IFITM3: variants seen among roughly 807,000 people sequenced by gnomAD.
IFITM3 encodes the protein interferon-induced transmembrane protein 3.
A neutral mutation model predicts 5.2 loss-of-function variants in IFITM3; 5 were observed. That is an observed-to-expected ratio of 0.96 (90% CI 0.50 to 2.03). IFITM3 has a LOEUF of 2.03. Ranked by LOEUF, IFITM3 falls within the 30% of genes most tolerant of loss-of-function variation. IFITM3 has a pLI of 0.01. For missense variants in IFITM3, 156 were observed against 177.3 expected (o/e 0.88, Z 0.68); for synonymous variants, 81 against 77.6 (o/e 1.04, Z -0.23).
In IFITM3 at chr11:319,734, G is replaced by A; in HGVS notation, c.*104C>T. ...GTAGAAAAGCGTGTGAGGATAAAGG[G>A]CTGATACAGGACTCGGCTCCGGGGG... On this transcript the variant is annotated 3_prime_UTR_variant, in exon 2 of 2. Coordinates refer to ENST00000399808, the MANE Select transcript of IFITM3 (RefSeq NM_021034.3). The A allele has an allele frequency of 7.1e-7, 1 of 1,416,948 alleles. No homozygotes were observed. The highest frequency in any genetic ancestry group is 1.0e-6 in the Non-Finnish European group (1 of 1,004,470). 87.8% of individuals were successfully genotyped at this position (1,416,948 alleles called of 1,614,324 possible).
chr11:320,464 C>G (rs1466767035), intron 1 of IFITM3, 101 bp downstream of exon 1: 1 of 1,537,548 alleles, frequency 6.5e-7, no homozygotes, highest in African/African-American at 1.4e-5. Context: ...CACAAACTCA[C>G]AGTCACAGGG....
In IFITM3 at chr11:319,960, T is replaced by A. The variant is rs1299900233; in HGVS notation, c.280A>T (p.Thr94Ser). 4 of 1,613,840 alleles carry A rather than the reference T, an allele frequency of 2.5e-6. No homozygotes were observed. The highest frequency in any genetic ancestry group is 2.5e-6 in the Non-Finnish European group (3 of 1,179,994). ...GTGGAGGCATAGGCCTGGGCCCCGG[T>A]CACGTCGCCAACCATCTTCCTGTCC... ...SRDRKMVGDV[T>S]GAQAYASTAK... is the part of the protein sequence containing the mutation. The change falls in exon 2 of 2, where the codon ACC becomes TCC. Residue 94 changes from threonine to serine, a missense_variant. Physicochemically the swap from Thr to Ser is moderately conservative, Grantham distance 58. Coordinates refer to ENST00000399808, the MANE Select transcript of IFITM3 (RefSeq NM_021034.3).
At chr11:320,274 A>G (rs1389481804) in intron 1 of IFITM3, 1 of 705,598 alleles carries the variant, frequency 1.4e-6, no homozygotes, top group Non-Finnish European at 2.6e-6. Flanking sequence ...GTAATTTCTT[A>G]CTGGGCTATA....
chr11:320,840 C>A lies in IFITM3; in HGVS notation c.-27G>T. On this transcript the variant is annotated 5_prime_UTR_variant, in exon 1 of 2. Transcript: ENST00000399808. ...GTGTCCAGCGAAGACCAGCGGCGGT[C>A]GGGTTACTGGGATGGTTCTCAGTGA... 1 of 1,587,184 alleles carries A rather than the reference C, an allele frequency of 6.3e-7. No homozygotes were observed. Among genetic ancestry groups the A allele is most frequent in the South Asian group, 1.1e-5 (1 of 89,182 alleles).
intron 1 of IFITM3, among the ~76,000 whole-genome samples, 153 bp downstream of exon 1, chr11:320,412 A>AGAC (rs1302617599): frequency 1.3e-5 from 2 of 152,216 alleles, no homozygotes; most frequent in East Asian, 3.8e-4. Flanking sequence ...CAGATCACAC[A>AGAC]GACAAAGCCA....
In IFITM3 at chr11:320,732, C is replaced by T. The variant is rs772212819; in HGVS notation, c.82G>A (p.Glu28Lys). The T allele has an allele frequency of 1.2e-6, 2 of 1,613,862 alleles. No individual in the cohort carries two copies. The highest frequency in any genetic ancestry group is 1.7e-6 in the Non-Finnish European group (2 of 1,179,870). Residue 28 changes from glutamate (E) to lysine (K), a missense_variant, in exon 1 of 2, where the codon GAG (glutamate) becomes AAG (lysine). Coordinates refer to ENST00000399808, the MANE Select transcript of IFITM3 (RefSeq NM_021034.3). ...TGGGGCGCCCCCAGCACAGCCACCT[C>T]GTGCTCCTCCTTGAGCATCTCATAG... is the stretch of plus-strand genomic sequence containing the variant. ...PNYEMLKEEH[E>K]VAVLGAPHNP...
At chr11:320,309 A>G (rs1251846461) in intron 1 of IFITM3, 13 of 725,536 alleles carry the variant, frequency 1.8e-5, no homozygotes, top group Non-Finnish European at 2.4e-6. Flanking sequence ...GGGCTAGTGG[A>G]TAGCCGGGGA....
At position 320,007 on chromosome 11, in the gene IFITM3, G is replaced by A. The variant is rs370862493; in HGVS notation, c.250-17C>T. 93 of 1,611,274 alleles carry A rather than the reference G, an allele frequency of 5.8e-5. No homozygotes were observed. The highest frequency in any genetic ancestry group is 7.0e-5 in the Non-Finnish European group (82 of 1,179,082). ...GTCCCTAGACTGGGGGAGAGGAGAT[G>A]GTGAGGGGACCAGGATCCCCCAGCT... On this transcript the variant is annotated splice_polypyrimidine_tract_variant and intron_variant, in intron 1 of 1. Transcript: ENST00000399808.
In IFITM3 at chr11:320,847, C is replaced by G. The variant is rs1564852069; in HGVS notation, c.-34G>C. The G allele has an allele frequency of 6.3e-7, 1 of 1,584,286 alleles. No individual in the cohort carries two copies. The highest frequency in any genetic ancestry group is 1.1e-5 in the South Asian group (1 of 88,626). ...GCGAAGACCAGCGGCGGTCGGGTTA[C>G]TGGGATGGTTCTCAGTGAGCCCTCC... is the stretch of plus-strand genomic sequence containing the variant. On this transcript the variant is annotated 5_prime_UTR_variant, in exon 1 of 2. Transcript: ENST00000399808.
chr11:320,264 G>A lies in IFITM3; in HGVS notation c.250-274C>T, dbSNP rs1372709256. 37 of 712,838 alleles carry A rather than the reference G, an allele frequency of 5.2e-5. No individual in the cohort carries two copies. The East Asian group carries it at 9.7e-4, about 19-fold the overall frequency. The allele number at this position is 712,838 out of a possible 1,614,324, so 44.2% of individuals were successfully genotyped here. A position where few individuals can be genotyped will look rare whatever the true frequency, so the allele number is the denominator to read the frequency against. ...GGGTGCCAGTCTGGAAGGTGAAGGTGTAATTTCTTACTGGGCTATAGGGAG... is the reference window on the plus strand; with the variant it reads ...GGGTGCCAGTCTGGAAGGTGAAGGTATAATTTCTTACTGGGCTATAGGGAG... On this transcript the variant is annotated intron_variant, in intron 1 of 1. Transcript: ENST00000399808.
In IFITM3 at chr11:320,482, A is replaced by G. The variant is rs186888187; in HGVS notation, c.249+83T>C. On this transcript the variant is annotated intron_variant, in intron 1 of 1. Transcript: ENST00000399808. ...AAACTCACAGTCACAGGGACACACA[A>G]GTCCCCACCCCAGGCAGCATGTGGG... 16 of 1,573,678 alleles carry G rather than the reference A, an allele frequency of 1.0e-5. No individual in the cohort carries two copies. The East Asian group carries it at 3.6e-4, about 35-fold the overall frequency.
intron 1 of IFITM3, 175 bp from the exon 2 acceptor site, chr11:320,165 C>G: frequency 1.3e-6 from 1 of 762,640 alleles, no homozygotes; most frequent in Non-Finnish European, 2.3e-6. Flanking sequence ...CTGCCTTGAC[C>G]TCAGCACAGG....
chr11:320,653 A>T lies in IFITM3; in HGVS notation c.161T>A (p.Val54Glu). The T allele has an allele frequency of 1.2e-6, 2 of 1,613,880 alleles. No individual in the cohort carries two copies. Among genetic ancestry groups the T allele is most frequent in the Non-Finnish European group, 1.7e-6 (2 of 1,179,866 alleles). ...CAGGGACCAGACGACATGGTCGGGC[A>T]CGGAGGTCTCGCTGCGGATGTGGAT... ...TVIHIRSETS[V>E]PDHVVWSLFN... The change falls in exon 1 of 2, where the codon GTG becomes GAG. Residue 54 changes from valine (V) to glutamate (E), a missense_variant. Coordinates refer to ENST00000399808, the MANE Select transcript of IFITM3 (RefSeq NM_021034.3).
In IFITM3 at chr11:320,744, T is replaced by C. The variant is rs1266046233; in HGVS notation, c.70A>G (p.Lys24Glu). Residue 24 changes from lysine to glutamate, a missense_variant, in exon 1 of 2, where the codon AAG becomes GAG. By Grantham distance (56) the Lys-to-Glu change is moderately conservative (BLOSUM62 1). Coordinates refer to ENST00000399808, the MANE Select transcript of IFITM3 (RefSeq NM_021034.3). ...AGCACAGCCACCTCGTGCTCCTCCT[T>C]GAGCATCTCATAGTTGGGGGGCTGG... ...SGQPPNYEML[K>E]EEHEVAVLGA... The C allele has an allele frequency of 6.8e-6, 11 of 1,613,750 alleles. No homozygotes were observed. Among genetic ancestry groups the C allele is most frequent in the South Asian group, 1.1e-5 (1 of 91,070 alleles).
In IFITM3 at chr11:319,737, G is replaced by A; in HGVS notation, c.*101C>T. The A allele has an allele frequency of 6.8e-7, 1 of 1,463,172 alleles. No homozygotes were observed. Among genetic ancestry groups the A allele is most frequent in the Non-Finnish European group, 9.6e-7 (1 of 1,045,772 alleles). 90.6% of individuals were successfully genotyped at this position (1,463,172 alleles called of 1,614,324 possible). A position where few individuals can be genotyped will look rare whatever the true frequency, so the allele number is the denominator to read the frequency against. On this transcript the variant is annotated 3_prime_UTR_variant, in exon 2 of 2. Coordinates refer to ENST00000399808, the MANE Select transcript of IFITM3 (RefSeq NM_021034.3). ...GAAAAGCGTGTGAGGATAAAGGGCTGATACAGGACTCGGCTCCGGGGGCAG... is the reference window on the plus strand; with the variant it reads ...GAAAAGCGTGTGAGGATAAAGGGCTAATACAGGACTCGGCTCCGGGGGCAG...
rs752228257 is a variant in IFITM3 at position 320,702 on chromosome 11, G to C, written c.112C>G (p.Pro38Ala). 5.6e-6 allele frequency: 9 copies of C among 1,613,096 alleles called. No individual in the cohort carries two copies. Among genetic ancestry groups the C allele is most frequent in the Admixed American group, 5.0e-5 (3 of 59,946 alleles). Reference protein sequence around the residue: ...EVAVLGAPHNPAPPTSTVIHI... With the variant: ...EVAVLGAPHNAAPPTSTVIHI... ...ATCACGGTGGACGTCGGGGGAGCAG[G>C]GTTGTGGGGCGCCCCCAGCACAGCC... Residue 38 changes from proline to alanine, a missense_variant, in exon 1 of 2, where the codon CCT (proline) becomes GCT (alanine). Pro to Ala is a conservative substitution (Grantham distance 27, BLOSUM62 -1). Coordinates refer to ENST00000399808, the MANE Select transcript of IFITM3 (RefSeq NM_021034.3).
Position 319,733 on chromosome 11 carries a change from G to C in IFITM3, c.*105C>G, listed in dbSNP as rs563433257. 13 of 1,409,454 alleles carry C rather than the reference G, an allele frequency of 9.2e-6. No individual in the cohort carries two copies. The highest frequency in any genetic ancestry group is 1.3e-5 in the Non-Finnish European group (13 of 998,056). 87.3% of individuals were successfully genotyped at this position (1,409,454 alleles called of 1,614,324 possible). On this transcript the variant is annotated 3_prime_UTR_variant, in exon 2 of 2. Coordinates refer to ENST00000399808, the MANE Select transcript of IFITM3 (RefSeq NM_021034.3). Reference sequence around the variant, plus strand: ...TGTAGAAAAGCGTGTGAGGATAAAGGGCTGATACAGGACTCGGCTCCGGGG... The same window carrying C: ...TGTAGAAAAGCGTGTGAGGATAAAGCGCTGATACAGGACTCGGCTCCGGGG...
At position 320,529 on chromosome 11, in the gene IFITM3, C is replaced by T. The variant is rs758861079; in HGVS notation, c.249+36G>A. 1.4e-5 allele frequency: 22 copies of T among 1,607,284 alleles called. No individual in the cohort carries two copies. The Admixed American group carries it at 1.8e-4, about 13-fold the overall frequency. ...TGGGCAGGTGGAGCTCCAGGCTCAG[C>T]GGCACCCTCTGAGCATTCCCTGGGG... On this transcript the variant is annotated intron_variant, in intron 1 of 1. Transcript: ENST00000399808.
Position 320,466 on chromosome 11 carries a change from G to A in IFITM3, c.249+99C>T, listed in dbSNP as rs1211161890. 6.5e-6 allele frequency: 10 copies of A among 1,546,020 alleles called. No homozygotes were observed. The African/African-American group carries it at 1.2e-4, about 19-fold the overall frequency. On this transcript the variant is annotated intron_variant, in intron 1 of 1. Transcript: ENST00000399808. ...GGACAGAGGTGCACACAAACTCACA[G>A]TCACAGGGACACACAAGTCCCCACC...
Sources: allele counts gnomAD v4.1 joint callset (sites outside exome capture counted in the v4.1 genomes callset), GRCh38; gene constraint gnomAD v4.1.1; transcripts MANE v1.5; gene names NCBI Gene and HGNC (gene_info 2026-07-23, HGNC 2026-07-21).